Variants in DMXL2 observed in about 807,000 individuals in gnomAD.
DMXL2 encodes Dmx like 2.
DMXL2 carries 103 observed loss-of-function variants against 331.1 expected under a neutral mutation model. The ratio of observed to expected loss-of-function variants is 0.31; its 90% confidence interval spans 0.27 to 0.37. The LOEUF is 0.37. DMXL2 is among the 10% of genes least tolerant of loss of function. The pLI is 1.00. For missense variants in DMXL2, 3,171 were observed against 3,642.9 expected (o/e 0.87, Z 3.33); for synonymous variants, 1,281 against 1,252.1 (o/e 1.02, Z -0.49).
intron 31 of DMXL2, among the ~76,000 whole-genome samples, chr15:51,465,141 A>T (rs2140272250): frequency 6.6e-6 from 1 of 152,324 alleles, no homozygotes; most frequent in African/African-American, 2.4e-5. Context: ...CACACTTGTA[A>T]TCTCAGCACT....
intron 13 of DMXL2, among the ~76,000 whole-genome samples, chr15:51,526,001 T>C (rs1024970937): frequency 2.0e-5 from 3 of 151,580 alleles, no homozygotes; most frequent in Non-Finnish European, 4.4e-5. Context: ...CAAGAACCAG[T>C]GCTGTGCTGG....
chr15:51,601,290 C>CAAAAA (rs200188441), intron 1 of DMXL2, among the ~76,000 whole-genome samples: 1 of 96,594 alleles, frequency 1.0e-5, no homozygotes. Flanking sequence ...GACTCCATCT[C>CAAAAA]AAAAAAAAAA....
rs2039870756 is a variant in DMXL2, at chr15:51,458,754, G to A, written c.8031C>T (p.Val2677=). Residue 2677 remains valine, a synonymous_variant, in exon 35 of 44, where the codon GTC becomes GTT. Coordinates refer to ENST00000560891, the MANE Select transcript of DMXL2 (RefSeq NM_001378457.1). ...DLGYPGGKAK[V]IHKESDMIMA... is the part of the protein sequence containing the mutation. ...TGATCATATCAGATTCCTTATGGAT[G>A]ACTTTCGCCTTTCCACCTGGATAGC... 1 of 1,614,014 alleles carries A rather than the reference G, an allele frequency of 6.2e-7. No homozygotes were observed. The highest frequency in any genetic ancestry group is 8.5e-7 in the Non-Finnish European group (1 of 1,179,946).
intron 18 of DMXL2, among the ~76,000 whole-genome samples, chr15:51,496,712 GAATT>G (rs2043205504): frequency 6.6e-6 from 1 of 152,206 alleles, no homozygotes; most frequent in Non-Finnish European, 1.5e-5. Context: ...GAGGTAATGA[GAATT>G]GATTATTGGA....
chr15:51,505,105 A>G (rs1394146087), intron 16 of DMXL2, among the ~76,000 whole-genome samples: 1 of 152,230 alleles, frequency 6.6e-6, no homozygotes, highest in Non-Finnish European at 1.5e-5. Flanking sequence ...GGTACTCAAC[A>G]TGTTTCCTTC....
chr15:51,579,239 C>T (rs1332864267), intron 1 of DMXL2, among the ~76,000 whole-genome samples: 1 of 152,158 alleles, frequency 6.6e-6, no homozygotes. Flanking sequence ...CAGAGTTACG[C>T]AATGCCTACC....
chr15:51,542,564 C>A, intron 8 of DMXL2, 57 bp from the exon 9 acceptor site: 1 of 1,317,556 alleles, frequency 7.6e-7, no homozygotes, highest in Non-Finnish European at 1.1e-6. Context: ...AAATGCCAAC[C>A]AAAGTACTCT....
intron 40 of DMXL2, among the ~76,000 whole-genome samples, chr15:51,454,695 C>T (rs1225142749): frequency 2.0e-5 from 3 of 152,114 alleles, no homozygotes; most frequent in African/African-American, 7.2e-5. Context: ...GGGGGTTTCA[C>T]CAGGTTGGTC....
intron 6 of DMXL2, among the ~76,000 whole-genome samples, chr15:51,554,523 G>A (rs2049426473): frequency 1.3e-5 from 2 of 152,180 alleles, no homozygotes; most frequent in Admixed American, 1.3e-4. Flanking sequence ...CCCTTCATGA[G>A]ATACCCACGC....
Position 51,461,741 on chromosome 15 carries a change from C to T in DMXL2, c.7926+1638G>A, listed in dbSNP as rs369462899. On this transcript the variant is annotated intron_variant, in intron 33 of 43. Transcript: ENST00000560891. ...AATTGTTTTGTATCTTTTGTAGAGA[C>T]GGGGTTTCACCATGTTGCCAAGCTG... is the stretch of plus-strand genomic sequence containing the variant. 1.2e-4 allele frequency among the ~76,000 whole-genome samples: 18 copies of T among 152,198 alleles called. No individual in the cohort carries two copies. In the East Asian group the frequency reaches 1.9e-3, roughly 16 times the overall value.
chr15:51,565,061 A>T, intron 4 of DMXL2, 27 bp downstream of exon 4: 1 of 1,307,638 alleles, frequency 7.6e-7, no homozygotes, highest in Non-Finnish European at 1.0e-6. Context: ...TTTAATTTAA[A>T]TAATTTTAAA....
intron 1 of DMXL2, among the ~76,000 whole-genome samples, chr15:51,602,632 C>A (rs2053306037): frequency 6.6e-6 from 1 of 152,198 alleles, no homozygotes; most frequent in Admixed American, 6.5e-5. Flanking sequence ...TAAGCTTAAA[C>A]AGCAGAGCAA....
intron 2 of DMXL2, among the ~76,000 whole-genome samples, chr15:51,570,945 T>A (rs1256724660): frequency 6.6e-6 from 1 of 152,112 alleles, no homozygotes; most frequent in Non-Finnish European, 1.5e-5. Flanking sequence ...ATATTAACCT[T>A]AAATGTAAAC....
At position 51,590,513 on chromosome 15, in the gene DMXL2, C is replaced by A. The variant is rs80148054; in HGVS notation, c.88-14332G>T. 5.9e-3 allele frequency among the ~76,000 whole-genome samples: 898 copies of A among 152,228 alleles called. 8 individuals carry two copies. Among genetic ancestry groups the A allele is most frequent in the African/African-American group, 0.021 (862 of 41,530 alleles). ...TGTCTACTATTCTCTTTTCTATATC[C>A]TTACAATAAATTTCCCATTACTAAG... On this transcript the variant is annotated intron_variant, in intron 1 of 43. Coordinates refer to ENST00000560891, the MANE Select transcript of DMXL2 (RefSeq NM_001378457.1).
chr15:51,464,990 G>A, intron 31 of DMXL2, 114 bp from the exon 32 acceptor site: 4 of 962,532 alleles, frequency 4.2e-6, no homozygotes, highest in Non-Finnish European at 6.1e-6. Flanking sequence ...AAATAAATCT[G>A]CAAATGTTAA....
At chr15:51,521,596 C>A (rs965481599) in intron 13 of DMXL2, among the ~76,000 whole-genome samples, 19 of 152,042 alleles carry the variant, frequency 1.2e-4, no homozygotes, top group African/African-American at 4.1e-4. Flanking sequence ...CTATGAGCAT[C>A]CATCCTATAT....
chr15:51,456,899 T>G (rs542080044), intron 37 of DMXL2, among the ~76,000 whole-genome samples: 1 of 152,178 alleles, frequency 6.6e-6, no homozygotes, highest in African/African-American at 2.4e-5. Context: ...GAGGCCAGTG[T>G]GGTGGCTCAT....
At chr15:51,490,614 T>C (rs2042726367) in intron 20 of DMXL2, among the ~76,000 whole-genome samples, 1 of 152,218 alleles carries the variant, frequency 6.6e-6, no homozygotes, top group African/African-American at 2.4e-5. Flanking sequence ...CTCTGAATCT[T>C]AGTTCCATCA....
At chr15:51,594,935 T>C (rs1489581048) in intron 1 of DMXL2, among the ~76,000 whole-genome samples, 2 of 152,224 alleles carry the variant, frequency 1.3e-5, no homozygotes. Context: ...GAGCTATCTA[T>C]GACGGTCTGT....
Sources: allele counts gnomAD v4.1 joint callset (sites outside exome capture counted in the v4.1 genomes callset), GRCh38; gene constraint gnomAD v4.1.1; transcripts MANE v1.5; gene names NCBI Gene and HGNC (gene_info 2026-07-23, HGNC 2026-07-21).